Variants in PRKG1 observed in about 807,000 individuals in gnomAD.
PRKG1 encodes protein kinase cGMP-dependent 1.
In PRKG1, 35 loss-of-function variants were observed where a neutral mutation model predicts 88.1. That is an observed-to-expected ratio of 0.40 (90% CI 0.30 to 0.53). The LOEUF (loss-of-function observed/expected upper bound fraction) is 0.53, where lower values mean the gene tolerates loss of function less well. Among genes scored for constraint, PRKG1 ranks in the 20% least tolerant of loss-of-function variants. PRKG1 has a pLI of 0.59. For synonymous variants in PRKG1, 303 were observed against 292.5 expected, an observed-to-expected ratio of 1.04 and a Z score of -0.37; for missense variants, 540 against 839.8, an observed-to-expected ratio of 0.64 and a Z score of 4.41.
At chr10:51,543,120 G>T (rs10998030) in intron 3 of PRKG1, among the ~76,000 whole-genome samples, 1 of 152,244 alleles carries the variant, frequency 6.6e-6, no homozygotes, top group East Asian at 1.9e-4. Flanking sequence ...GTCTTGTAGG[G>T]TTATGCAATA....
chr10:51,192,537 C>A lies in PRKG1; in HGVS notation c.478+39207C>A, dbSNP rs554729414. ...TCTTCAGACTTATTTAATGTCCTAC[C>A]GAAAGATTAGAAATGTTACTGGGGA... is the stretch of plus-strand genomic sequence containing the variant. On this transcript the variant is annotated intron_variant, in intron 2 of 17. Transcript: ENST00000373980. Among the ~76,000 whole-genome samples the A allele has an allele frequency of 2.4e-3, 369 of 151,612 alleles. 2 individuals are homozygous for A. Among genetic ancestry groups the A allele is most frequent in the African/African-American group, 8.6e-3 (357 of 41,382 alleles).
chr10:51,029,286 G>A (rs1003501987), intron 1 of PRKG1, among the ~76,000 whole-genome samples: 3 of 152,118 alleles, frequency 2.0e-5, no homozygotes, highest in African/African-American at 7.2e-5. Context: ...TATTCATTTG[G>A]CATCACAGAA....
At chr10:52,178,576 G>A (rs1318987850) in intron 9 of PRKG1, among the ~76,000 whole-genome samples, 5 of 151,666 alleles carry the variant, frequency 3.3e-5, no homozygotes, top group South Asian at 2.1e-4. Flanking sequence ...TAGTTGATCT[G>A]TTCAACACCG....
chr10:51,262,535 T>G (rs1056437015), intron 2 of PRKG1, among the ~76,000 whole-genome samples: 1 of 152,202 alleles, frequency 6.6e-6, no homozygotes, highest in Non-Finnish European at 1.5e-5. Context: ...GATGAAATTC[T>G]TGAATTAAAA....
At chr10:51,111,052 G>C (rs1469125079) in intron 1 of PRKG1, among the ~76,000 whole-genome samples, 2 of 152,136 alleles carry the variant, frequency 1.3e-5, no homozygotes, top group African/African-American at 4.8e-5. Flanking sequence ...ATGAAGCTGT[G>C]TGGTTCTTTG....
intron 3 of PRKG1, among the ~76,000 whole-genome samples, chr10:51,783,100 A>C (rs1838637445): frequency 6.6e-6 from 1 of 152,042 alleles, no homozygotes; most frequent in Non-Finnish European, 1.5e-5. Flanking sequence ...AAACAAAATA[A>C]AACTATTCTA....
intron 3 of PRKG1, among the ~76,000 whole-genome samples, chr10:51,516,095 A>G (rs138846725): frequency 5.6e-4 from 85 of 152,296 alleles, no homozygotes; most frequent in Admixed American, 1.5e-3. Flanking sequence ...CTGGTGCCCA[A>G]GAGGAATGGG....
At chr10:52,174,927 A>G (rs972473627) in intron 9 of PRKG1, among the ~76,000 whole-genome samples, 2 of 152,074 alleles carry the variant, frequency 1.3e-5, no homozygotes, top group African/African-American at 4.8e-5. Flanking sequence ...TCCAATACAT[A>G]TAATGTATAG....
intron 9 of PRKG1, among the ~76,000 whole-genome samples, chr10:52,217,340 ATATC>A (rs58978014): frequency 6.0e-4 from 86 of 144,044 alleles, no homozygotes; most frequent in African/African-American, 2.0e-3. Context: ...ACACATTTAT[ATATC>A]TATCTATCTA....
intron 3 of PRKG1, among the ~76,000 whole-genome samples, chr10:51,494,619 A>G (rs1024622354): frequency 6.6e-6 from 1 of 152,214 alleles, no homozygotes; most frequent in African/African-American, 2.4e-5. Context: ...ATTACAAACT[A>G]TAACTTACTC....
intron 3 of PRKG1, among the ~76,000 whole-genome samples, chr10:51,563,127 A>G (rs1390767285): frequency 6.6e-6 from 1 of 152,048 alleles, no homozygotes; most frequent in Admixed American, 6.6e-5. Context: ...TTGCTTCAGC[A>G]TTGTTTATTA....
At chr10:51,308,723 A>G (rs961296279) in intron 2 of PRKG1, among the ~76,000 whole-genome samples, 5 of 152,166 alleles carry the variant, frequency 3.3e-5, no homozygotes, top group African/African-American at 1.2e-4. Context: ...ATAATACTAG[A>G]ATAACACAGA....
intron 5 of PRKG1, among the ~76,000 whole-genome samples, chr10:51,939,837 T>C (rs945450523): frequency 6.6e-6 from 1 of 151,522 alleles, no homozygotes; most frequent in Non-Finnish European, 1.5e-5. Context: ...TAAAATGTGG[T>C]TTGCTATGAA....
At chr10:52,061,923 C>T (rs1293781098) in intron 6 of PRKG1, among the ~76,000 whole-genome samples, 1 of 151,466 alleles carries the variant, frequency 6.6e-6, no homozygotes, top group Non-Finnish European at 1.5e-5. Flanking sequence ...CTAGGATATG[C>T]ATATGGAGGC....
rs1328124038 is a variant in PRKG1 at position 51,374,094 on chromosome 10, AT to A, written c.479-93628del. ...CTGGCAGAGGTTGCAAAAAAAAAAA[AT>A]ATATATATATATATATATGTACTTT... On this transcript the variant is annotated intron_variant, in intron 2 of 17. Transcript: ENST00000373980. 4.0e-3 allele frequency among the ~76,000 whole-genome samples: 274 copies of A among 68,080 alleles called. 2 individuals carry two copies. The highest frequency in any genetic ancestry group is 7.2e-3 in the South Asian group (12 of 1,668). The allele number at this position is 68,080 out of a possible 152,430, so 44.7% of individuals were successfully genotyped here.
chr10:51,280,603 A>G (rs913640673), intron 2 of PRKG1, among the ~76,000 whole-genome samples: 15 of 151,980 alleles, frequency 9.9e-5, no homozygotes, highest in Admixed American at 4.6e-4. Flanking sequence ...TTCTCGCTTC[A>G]TTTCATTCAT....
At chr10:51,244,483 C>T (rs1420026189) in intron 2 of PRKG1, among the ~76,000 whole-genome samples, 2 of 151,988 alleles carry the variant, frequency 1.3e-5, no homozygotes, top group Admixed American at 6.6e-5. Flanking sequence ...CACACACACA[C>T]ACTCTGCCTC....
intron 3 of PRKG1, among the ~76,000 whole-genome samples, chr10:51,769,072 T>C (rs1838240949): frequency 6.6e-6 from 1 of 152,194 alleles, no homozygotes; most frequent in African/African-American, 2.4e-5. Flanking sequence ...TTCTGGGTGA[T>C]TTCAATATTC....
chr10:51,855,570 T>C (rs765083426), intron 4 of PRKG1, among the ~76,000 whole-genome samples: 7 of 152,214 alleles, frequency 4.6e-5, no homozygotes. Context: ...TTGGCAAGCA[T>C]GAAATTGAAT....
Sources: allele counts gnomAD v4.1 joint callset (sites outside exome capture counted in the v4.1 genomes callset), GRCh38; gene constraint gnomAD v4.1.1; transcripts MANE v1.5; gene names NCBI Gene and HGNC (gene_info 2026-07-23, HGNC 2026-07-21).